The following EYS variants were observed in gnomAD, a reference collection of about 807,000 sequenced individuals.
EYS encodes the protein EGF-like photoreceptor maintenance factor.
A neutral mutation model predicts 282.1 loss-of-function variants in EYS; 250 were observed. That is an observed-to-expected ratio of 0.89 (90% CI 0.80 to 0.98). The LOEUF is 0.98. Ranked by LOEUF, EYS falls within the 50% of genes least tolerant of loss-of-function variation. The pLI is 0.00. For synonymous variants in EYS, 1,355 were observed against 1,282.9 expected, an observed-to-expected ratio of 1.06 and a Z score of -1.20; for missense variants, 4,016 against 3,709.0, an observed-to-expected ratio of 1.08 and a Z score of -2.15.
At chr6:63,749,497 G>A (rs575726779) in intron 41 of EYS, among the ~76,000 whole-genome samples, 20 of 152,260 alleles carry the variant, frequency 1.3e-4, no homozygotes, top group East Asian at 3.9e-4. Flanking sequence ...TGTCTGTCAC[G>A]TATGTTTGAT....
intron 9 of EYS, among the ~76,000 whole-genome samples, chr6:65,344,408 C>T (rs376352609): frequency 6.6e-6 from 1 of 151,522 alleles, no homozygotes; most frequent in Non-Finnish European, 1.5e-5. Context: ...GAAGAGACAG[C>T]TCCCAGGCCA....
chr6:63,847,042 A>G (rs148371977), intron 36 of EYS, among the ~76,000 whole-genome samples: 71 of 152,298 alleles, frequency 4.7e-4, no homozygotes, highest in Non-Finnish European at 8.2e-4. Flanking sequence ...GGAAACATGG[A>G]TAACATTAAA....
chr6:65,457,131 T>C (rs1429161362), intron 5 of EYS, among the ~76,000 whole-genome samples: 1 of 149,688 alleles, frequency 6.7e-6, no homozygotes, highest in African/African-American at 2.4e-5. Flanking sequence ...AAGGTTGTTT[T>C]CTCTCTTTTG....
At chr6:64,453,472 G>A (rs368794369) in intron 26 of EYS, among the ~76,000 whole-genome samples, 10 of 152,162 alleles carry the variant, frequency 6.6e-5, no homozygotes, top group Admixed American at 5.2e-4. Flanking sequence ...ATCTAGAACT[G>A]GAAATACCAT....
At chr6:65,084,633 C>T (rs1774315080) in intron 12 of EYS, among the ~76,000 whole-genome samples, 1 of 152,138 alleles carries the variant, frequency 6.6e-6, no homozygotes, top group Non-Finnish European at 1.5e-5. Context: ...TCAAATTCCT[C>T]ATACCCCTGG....
At chr6:64,667,898 A>G (rs548774484) in intron 22 of EYS, among the ~76,000 whole-genome samples, 4 of 152,196 alleles carry the variant, frequency 2.6e-5, no homozygotes, top group Non-Finnish European at 5.9e-5. Context: ...TTTGCAGGTA[A>G]GTATCATAAG....
chr6:63,830,762 T>A (rs544553804), intron 36 of EYS, among the ~76,000 whole-genome samples: 20 of 152,104 alleles, frequency 1.3e-4, no homozygotes, highest in Non-Finnish European at 2.5e-4. Flanking sequence ...GACACATAAT[T>A]GTCAGATTCA....
chr6:64,987,633 G>A (rs1166459429), intron 14 of EYS, among the ~76,000 whole-genome samples: 1 of 151,442 alleles, frequency 6.6e-6, no homozygotes, highest in African/African-American at 2.4e-5. Flanking sequence ...GGGGAGGCAT[G>A]ACTTGTGCTG....
intron 12 of EYS, among the ~76,000 whole-genome samples, chr6:65,285,795 T>C (rs1354777829): frequency 6.6e-6 from 1 of 151,966 alleles, no homozygotes; most frequent in East Asian, 1.9e-4. Flanking sequence ...ACCTGGTATC[T>C]GTTAGAAAGA....
chr6:65,598,243 C>A (rs1233558260), intron 2 of EYS, among the ~76,000 whole-genome samples: 10 of 86,524 alleles, frequency 1.2e-4, no homozygotes, highest in East Asian at 4.6e-4. Flanking sequence ...CACCCACCCC[C>A]CCCCCAAAAA....
intron 2 of EYS, among the ~76,000 whole-genome samples, chr6:65,545,609 T>C (rs1337872018): frequency 6.6e-6 from 1 of 152,168 alleles, no homozygotes; most frequent in Non-Finnish European, 1.5e-5. Flanking sequence ...AATTTCAATA[T>C]GTATGTTGTA....
At chr6:65,648,781 C>A (rs1249365761) in intron 1 of EYS, among the ~76,000 whole-genome samples, 1 of 151,982 alleles carries the variant, frequency 6.6e-6, no homozygotes, top group South Asian at 2.1e-4. Context: ...TCACATTTAA[C>A]TGAAATTGGT....
chr6:65,364,549 G>T (rs2150336643), intron 8 of EYS, among the ~76,000 whole-genome samples: 1 of 150,802 alleles, frequency 6.6e-6, no homozygotes, highest in Non-Finnish European at 1.5e-5. Context: ...AAAATATTAA[G>T]ACTTCTTATG....
intron 30 of EYS, among the ~76,000 whole-genome samples, chr6:64,285,700 C>T (rs992448505): frequency 2.0e-5 from 3 of 152,182 alleles, no homozygotes; most frequent in South Asian, 4.1e-4. Flanking sequence ...ACTTACACTT[C>T]CACATGGCTG....
intron 19 of EYS, among the ~76,000 whole-genome samples, chr6:64,880,591 G>A (rs566944869): frequency 8.3e-4 from 126 of 151,138 alleles, no homozygotes; most frequent in Middle Eastern, 3.4e-3. Flanking sequence ...AACTTTTTCC[G>A]TAGCTTTCCC....
chr6:64,674,164 G>C (rs1385177697), intron 22 of EYS, among the ~76,000 whole-genome samples: 1 of 152,046 alleles, frequency 6.6e-6, no homozygotes, highest in Non-Finnish European at 1.5e-5. Flanking sequence ...ACTGAGAATA[G>C]ATCTTATCAT....
At chr6:64,686,819 A>G (rs1369802903) in intron 22 of EYS, among the ~76,000 whole-genome samples, 3 of 45,074 alleles carry the variant, frequency 6.7e-5, no homozygotes, top group Non-Finnish European at 1.5e-4. Context: ...GTATATATAT[A>G]TGTGTATATA....
intron 22 of EYS, among the ~76,000 whole-genome samples, chr6:64,719,289 T>C (rs1478559075): frequency 1.3e-5 from 2 of 152,190 alleles, no homozygotes; most frequent in African/African-American, 2.4e-5. Context: ...AGTCCATCCA[T>C]ACTTCTGACC....
At chr6:65,313,257 T>C (rs1274911432) in intron 11 of EYS, among the ~76,000 whole-genome samples, 3 of 151,944 alleles carry the variant, frequency 2.0e-5, no homozygotes, top group African/African-American at 7.3e-5. Flanking sequence ...CCATCTTTTG[T>C]CATGGCTCTA....
Sources: allele counts gnomAD v4.1 joint callset (sites outside exome capture counted in the v4.1 genomes callset), GRCh38; gene constraint gnomAD v4.1.1; transcripts MANE v1.5; gene names NCBI Gene and HGNC (gene_info 2026-07-23, HGNC 2026-07-21).